Variants in SMARCA2 observed in about 807,000 individuals in gnomAD.
The protein encoded by SMARCA2 is SWI/SNF related BAF chromatin remodeling complex subunit ATPase 2, also known as SWI/SNF-related matrix-associated actin-dependent regulator of chromatin subfamily A member 2.
A neutral mutation model predicts 199.8 loss-of-function variants in SMARCA2; 61 were observed. The observed-to-expected ratio is 0.31, with a 90% CI of 0.25 to 0.38. The LOEUF is 0.38. SMARCA2 is among the 10% of genes least tolerant of loss of function. SMARCA2 has a pLI of 1.00. For synonymous variants in SMARCA2, 935 were observed against 732.0 expected, an observed-to-expected ratio of 1.28 and a Z score of -4.48; for missense variants, 1,344 against 2,012.2, an observed-to-expected ratio of 0.67 and a Z score of 6.35.
At chr9:2,174,412 C>A (rs1323573497) in intron 29 of SMARCA2, among the ~76,000 whole-genome samples, 1 of 152,122 alleles carries the variant, frequency 6.6e-6, no homozygotes, top group East Asian at 1.9e-4. Context: ...CCTTTAGAAT[C>A]ACACCTAATA....
chr9:2,164,213 G>A (rs574325941), intron 28 of SMARCA2, among the ~76,000 whole-genome samples: 1 of 152,244 alleles, frequency 6.6e-6, no homozygotes, highest in South Asian at 2.1e-4. Context: ...TTGAGTTTAT[G>A]ACTTCCTGGT....
chr9:2,103,642 A>ATG (rs1563770393), intron 22 of SMARCA2, among the ~76,000 whole-genome samples: 13 of 133,726 alleles, frequency 9.7e-5, no homozygotes, highest in African/African-American at 4.4e-4. Context: ...GTGTGTGTGT[A>ATG]CGTGTGTGTG....
chr9:2,141,496 T>A (rs1305304146), intron 27 of SMARCA2, among the ~76,000 whole-genome samples: 1 of 152,176 alleles, frequency 6.6e-6, no homozygotes, highest in Non-Finnish European at 1.5e-5. Context: ...AATGGCATCC[T>A]ATAAATTTTA....
At chr9:2,072,949 C>G (rs778721894) in intron 10 of SMARCA2, 225 of 425,412 alleles carry the variant, frequency 5.3e-4, no homozygotes, top group Non-Finnish European at 3.3e-4. Context: ...ACTTCTAGCT[C>G]TTAACTCACA....
intron 27 of SMARCA2, among the ~76,000 whole-genome samples, chr9:2,145,318 AAAAAAAAAAAAGAG>A (rs952973946): frequency 3.4e-5 from 3 of 88,714 alleles, no homozygotes; most frequent in Non-Finnish European, 3.7e-5. Context: ...AAAAAAAAAA[AAAAAAAAAAAAGAG>A]AGAGAAACCC....
chr9:2,189,408 C>T (rs1025733798), intron 32 of SMARCA2, among the ~76,000 whole-genome samples: 1 of 152,090 alleles, frequency 6.6e-6, no homozygotes, highest in Non-Finnish European at 1.5e-5. Context: ...ATTTAGATTA[C>T]GCTCTCAAGG....
intron 12 of SMARCA2, among the ~76,000 whole-genome samples, chr9:2,074,686 G>A (rs1821245506): frequency 6.6e-6 from 1 of 152,142 alleles, no homozygotes; most frequent in African/African-American, 2.4e-5. Context: ...GGGCAACATG[G>A]TGAAACCCCA....
In SMARCA2 at chr9:2,129,343, G is replaced by C. The variant is rs1319230143; in HGVS notation, c.3981+5406G>C. Among the ~76,000 whole-genome samples the C allele has an allele frequency of 2.6e-5, 4 of 152,140 alleles. No homozygotes were observed. The East Asian group carries it at 7.7e-4, about 29-fold the overall frequency. On this transcript the variant is annotated intron_variant, in intron 27 of 33. Transcript: ENST00000349721. ...TGAGGCAGGGGAATCGCTTGAACCC[G>C]GGAGGCAGAGGTTACATTGAGCCGA...
chr9:2,066,991 A>T (rs939676423), intron 9 of SMARCA2, among the ~76,000 whole-genome samples: 2 of 152,220 alleles, frequency 1.3e-5, no homozygotes, highest in African/African-American at 4.8e-5. Flanking sequence ...ATGTGAGTAC[A>T]TGTGCGCACC....
chr9:2,058,126 C>G (rs536209486), intron 7 of SMARCA2, 165 bp from the exon 8 acceptor site: 1 of 639,458 alleles, frequency 1.6e-6, no homozygotes, highest in Non-Finnish European at 2.8e-6. Context: ...CCCCATGGCC[C>G]ACACCTTAAC....
chr9:2,047,430 T>A lies in SMARCA2; in HGVS notation c.992T>A (p.Ile331Asn). 6.3e-7 allele frequency: 1 copy of A among 1,586,014 alleles called. No individual in the cohort carries two copies. Among genetic ancestry groups the A allele is most frequent in the Non-Finnish European group, 8.6e-7 (1 of 1,167,616 alleles). The change falls in exon 5 of 34, where the codon ATC (isoleucine) becomes AAC (asparagine). Residue 331 changes from isoleucine (I) to asparagine (N), a missense_variant. Around this residue, in one of 18 missense-constraint regions of SMARCA2, gnomAD observed 155 missense variants for 260.0 expected, o/e 0.60. Coordinates refer to ENST00000349721, the MANE Select transcript of SMARCA2 (RefSeq NM_003070.5). ...LQQKQSRISP[I>N]QKPQGLDPVE... ...CAGAAGCAGAGCCGCATCAGCCCCA[T>A]CCAGAAACCGCAAGGCCTGGACCCC... is the stretch of plus-strand genomic sequence containing the variant.
intron 32 of SMARCA2, 139 bp downstream of exon 32, chr9:2,186,367 A>C (rs1827455138): frequency 1.2e-6 from 1 of 850,166 alleles, no homozygotes; most frequent in African/African-American, 1.7e-5. Context: ...CTTGCTGGGC[A>C]ACCGGTGGCC....
At chr9:2,162,525 T>C (rs1333305611) in intron 28 of SMARCA2, among the ~76,000 whole-genome samples, 1 of 152,228 alleles carries the variant, frequency 6.6e-6, no homozygotes, top group African/African-American at 2.4e-5. Flanking sequence ...TGAATAATTA[T>C]TTGAAAACCA....
intron 4 of SMARCA2, chr9:2,040,257 G>C (rs1183492852): frequency 2.2e-5 from 10 of 458,744 alleles, no homozygotes; most frequent in Non-Finnish European, 3.4e-5. Flanking sequence ...AGAACTCACT[G>C]CTCAGATCAG....
intron 29 of SMARCA2, among the ~76,000 whole-genome samples, chr9:2,179,647 C>T (rs1685088602): frequency 6.6e-6 from 1 of 151,958 alleles, no homozygotes; most frequent in Non-Finnish European, 1.5e-5. Flanking sequence ...TCACAAACTG[C>T]TTATTTCTTA....
At chr9:2,036,553 A>C (rs756517240) in intron 3 of SMARCA2, among the ~76,000 whole-genome samples, 25 of 152,172 alleles carry the variant, frequency 1.6e-4, no homozygotes, top group Non-Finnish European at 3.4e-4. Flanking sequence ...ATGGGATGCT[A>C]TTCATGTAGA....
rs757598478 is a variant in SMARCA2 at position 2,119,411 on chromosome 9, T to C, written c.3685-47T>C. Reference sequence around the variant, plus strand: ...GACAGATCACTTACTTGTTTGTACCTTGCCCCAGCTGTCCACTGGTTAAAA... The same window carrying C: ...GACAGATCACTTACTTGTTTGTACCCTGCCCCAGCTGTCCACTGGTTAAAA... On this transcript the variant is annotated intron_variant, in intron 25 of 33. Transcript: ENST00000349721. The surrounding 1 kb of genome is among the most constrained non-coding windows in gnomAD (Gnocchi z 4.6). 5.4e-6 allele frequency: 7 copies of C among 1,287,166 alleles called. No homozygotes were observed. Among genetic ancestry groups the C allele is most frequent in the East Asian group, 2.3e-5 (1 of 43,358 alleles). The allele number at this position is 1,287,166 out of a possible 1,614,324, so 79.7% of individuals were successfully genotyped here.
intron 15 of SMARCA2, among the ~76,000 whole-genome samples, chr9:2,082,448 G>T (rs1379556369): frequency 6.6e-6 from 1 of 152,056 alleles, no homozygotes; most frequent in Admixed American, 6.5e-5. Context: ...ATAACTAGGA[G>T]TTTTGCATTA....
chr9:2,100,016 G>A (rs10120924), intron 21 of SMARCA2, among the ~76,000 whole-genome samples: 34,184 of 152,080 alleles, frequency 0.22, 7,348 homozygotes, highest in African/African-American at 0.56. Context: ...GGAGCCTACC[G>A]TAGATCATGA....
Sources: gnomAD v4.1 joint callset for allele counts (sites outside exome capture counted in the v4.1 genomes callset) on GRCh38, gnomAD v4.1.1 for gene constraint, gnomAD v4.1.1 regional missense constraint, Gnocchi (gnomAD v3.1) non-coding constraint, MANE v1.5 for transcripts, NCBI Gene and HGNC (gene_info 2026-07-23, HGNC 2026-07-21) for gene names.